SIRPA: variants seen among roughly 807,000 people sequenced by gnomAD.
The protein encoded by SIRPA is tyrosine-protein phosphatase non-receptor type substrate 1.
Under a neutral mutation model 50.3 loss-of-function variants are expected in SIRPA, and 9 were observed. The ratio of observed to expected loss-of-function variants is 0.18; its 90% CI spans 0.11 to 0.31. The LOEUF (loss-of-function observed/expected upper bound fraction) is 0.31. Among genes scored for constraint, SIRPA ranks in the 10% least tolerant of loss-of-function variants. The pLI, the probability that SIRPA is intolerant of heterozygous loss-of-function variation, is 1.00. For missense variants in SIRPA, 474 were observed against 661.6 expected (o/e 0.72, Z 3.11); for synonymous variants, 265 against 284.1 (o/e 0.93, Z 0.68).
intron 1 of SIRPA, among the ~76,000 whole-genome samples, chr20:1,905,643 A>T (rs2123021604): frequency 6.6e-6 from 1 of 152,314 alleles, no homozygotes; most frequent in African/African-American, 2.4e-5. Flanking sequence ...CAAAATGAGG[A>T]GGAGGAAAGG....
At chr20:1,900,962 A>G (rs1984155819) in intron 1 of SIRPA, among the ~76,000 whole-genome samples, 3 of 152,106 alleles carry the variant, frequency 2.0e-5, no homozygotes, top group African/African-American at 4.8e-5. Flanking sequence ...CAGCTTGCCC[A>G]AGGCCACACC....
intron 1 of SIRPA, among the ~76,000 whole-genome samples, chr20:1,903,034 AAAAG>A (rs202114504): frequency 0.2 from 28,257 of 143,308 alleles, 3,430 homozygotes; most frequent in African/African-American, 0.31. Context: ...AAAAAAAAAG[AAAAG>A]AAAGAAAAGA....
At chr20:1,920,717 G>T (rs1321775953) in intron 2 of SIRPA, among the ~76,000 whole-genome samples, 1 of 152,200 alleles carries the variant, frequency 6.6e-6, no homozygotes. Flanking sequence ...TGAAAAATAT[G>T]AAGTAAATTC....
intron 1 of SIRPA, among the ~76,000 whole-genome samples, chr20:1,911,775 C>T (rs1290108037): frequency 6.6e-6 from 1 of 152,136 alleles, no homozygotes; most frequent in African/African-American, 2.4e-5. Context: ...CAGCCGCCCT[C>T]CTCTCCCTGA....
chr20:1,903,108 G>T (rs1277477513), intron 1 of SIRPA, among the ~76,000 whole-genome samples: 1 of 152,000 alleles, frequency 6.6e-6, no homozygotes, highest in Non-Finnish European at 1.5e-5. Context: ...AATGGCAGAT[G>T]CAAAGGCCCT....
At chr20:1,919,677 G>A (rs1407188859) in intron 2 of SIRPA, among the ~76,000 whole-genome samples, 2 of 152,186 alleles carry the variant, frequency 1.3e-5, no homozygotes, top group South Asian at 2.1e-4. Flanking sequence ...AAGATGTCAC[G>A]GAGGAGTCTG....
chr20:1,919,757 G>C (rs1208061175), intron 2 of SIRPA, among the ~76,000 whole-genome samples: 1 of 152,136 alleles, frequency 6.6e-6, no homozygotes, highest in Non-Finnish European at 1.5e-5. Context: ...CTGTGATCTT[G>C]TGTTTTGAAA....
intron 6 of SIRPA, among the ~76,000 whole-genome samples, chr20:1,930,060 C>T (rs117868282): frequency 0.027 from 4,118 of 152,264 alleles, 76 homozygotes; most frequent in Non-Finnish European, 0.04. Context: ...CTCCCTGCCC[C>T]TGCTCATGCA....
At chr20:1,906,855 A>G (rs1272470700) in intron 1 of SIRPA, among the ~76,000 whole-genome samples, 1 of 152,160 alleles carries the variant, frequency 6.6e-6, no homozygotes, top group East Asian at 1.9e-4. Context: ...AGCAGGATCT[A>G]CTAACAGATG....
At chr20:1,896,970 A>G (rs1014608043) in intron 1 of SIRPA, among the ~76,000 whole-genome samples, 1 of 152,150 alleles carries the variant, frequency 6.6e-6, no homozygotes, top group Non-Finnish European at 1.5e-5. Context: ...GGAAATGCAC[A>G]AGTGTCACTC....
At position 1,928,718 on chromosome 20, in the gene SIRPA, G is replaced by A. The variant is rs1474214733; in HGVS notation, c.1226+819G>A. Among the ~76,000 whole-genome samples, 2 of 152,132 alleles carry A rather than the reference G, an allele frequency of 1.3e-5. No homozygotes were observed. Among genetic ancestry groups the A allele is most frequent in the African/African-American group, 4.8e-5 (2 of 41,424 alleles). Reference sequence around the variant, plus strand: ...TGCCTGAAACTAGTGAGCTATGTTGGACAGGAGCATGCTGGGCCAGAGAGG... The same window carrying A: ...TGCCTGAAACTAGTGAGCTATGTTGAACAGGAGCATGCTGGGCCAGAGAGG... On this transcript the variant is annotated intron_variant, in intron 6 of 7. Transcript: ENST00000358771. The surrounding 1 kb of genome is among the most constrained non-coding windows in gnomAD (Gnocchi z 4.9).
At position 1,927,734 on chromosome 20, in the gene SIRPA, G is replaced by A. The variant is rs190913368; in HGVS notation, c.1202-141G>A. On this transcript the variant is annotated intron_variant, in intron 5 of 7. Coordinates refer to ENST00000358771, the MANE Select transcript of SIRPA (RefSeq NM_001040023.2). This position sits in a 1 kb window ranked among gnomAD's most constrained non-coding sequence, Gnocchi z 6.5. ...AGAGGATGCCCACTGGGTGGGCATG[G>A]GGGTCTCCTGTGGTTCCAAGGATGT... is the stretch of plus-strand genomic sequence containing the variant. 6.2e-3 allele frequency: 4,737 copies of A among 758,468 alleles called. 45 individuals carry two copies. The highest frequency in any genetic ancestry group is 0.032 in the Middle Eastern group (134 of 4,252). 47.0% of individuals were successfully genotyped at this position (758,468 alleles called of 1,614,324 possible). A position where few individuals can be genotyped will look rare whatever the true frequency, so the allele number is the denominator to read the frequency against.
chr20:1,924,652 C>A lies in SIRPA; in HGVS notation c.1088-112C>A. The A allele has an allele frequency of 1.2e-6, 1 of 838,546 alleles. No individual in the cohort carries two copies. Among genetic ancestry groups the A allele is most frequent in the Non-Finnish European group, 2.0e-6 (1 of 509,492 alleles). The allele number at this position is 838,546 out of a possible 1,614,324, so 51.9% of individuals were successfully genotyped here. A position where few individuals can be genotyped will look rare whatever the true frequency, so the allele number is the denominator to read the frequency against. ...GTGGCTCGAGACATCTAAGAAGGTC[C>A]AGCCAGATGTTCTCAGTTAATGATG... On this transcript the variant is annotated intron_variant, in intron 4 of 7. Coordinates refer to ENST00000358771, the MANE Select transcript of SIRPA (RefSeq NM_001040023.2). This position sits in a 1 kb window ranked among gnomAD's most constrained non-coding sequence, Gnocchi z 4.5.
chr20:1,918,106 C>G (rs1600426989), intron 2 of SIRPA, among the ~76,000 whole-genome samples: 1 of 152,198 alleles, frequency 6.6e-6, no homozygotes, highest in Non-Finnish European at 1.5e-5. Context: ...TCAGGGACTC[C>G]TTTGGCAGAG....
At chr20:1,931,086 A>G (rs578068157) in intron 6 of SIRPA, among the ~76,000 whole-genome samples, 1 of 152,278 alleles carries the variant, frequency 6.6e-6, no homozygotes, top group Non-Finnish European at 1.5e-5. Context: ...CCTATGATTT[A>G]TCACTGTCCC....
chr20:1,899,366 G>A (rs1984026847), intron 1 of SIRPA, among the ~76,000 whole-genome samples: 1 of 152,248 alleles, frequency 6.6e-6, no homozygotes, highest in East Asian at 1.9e-4. Flanking sequence ...TGGCTACTCA[G>A]CCACACGAGC....
chr20:1,903,344 T>C (rs1341685902), intron 1 of SIRPA, among the ~76,000 whole-genome samples: 1 of 152,182 alleles, frequency 6.6e-6, no homozygotes, highest in African/African-American at 2.4e-5. Context: ...CGTTAATCCA[T>C]TGGACAGATG....
At chr20:1,911,465 A>G (rs1489295564) in intron 1 of SIRPA, among the ~76,000 whole-genome samples, 1 of 152,166 alleles carries the variant, frequency 6.6e-6, no homozygotes, top group Non-Finnish European at 1.5e-5. Context: ...GATGCCATGA[A>G]AATTTCTATA....
At chr20:1,911,853 G>A (rs577193129) in intron 1 of SIRPA, among the ~76,000 whole-genome samples, 1 of 151,734 alleles carries the variant, frequency 6.6e-6, no homozygotes, top group African/African-American at 2.4e-5. Flanking sequence ...AAATAATTTG[G>A]CCAGCAAGTG....
Sources: allele counts gnomAD v4.1 joint callset (sites outside exome capture counted in the v4.1 genomes callset), GRCh38; gene constraint gnomAD v4.1.1; non-coding constraint Gnocchi (gnomAD v3.1); transcripts MANE v1.5; gene names NCBI Gene and HGNC (gene_info 2026-07-23, HGNC 2026-07-21).